ACP7: variants seen among roughly 807,000 people sequenced by gnomAD.
ACP7 encodes the protein acid phosphatase 7, tartrate resistant (putative).
A neutral mutation model predicts 60.6 loss-of-function variants in ACP7; 58 were observed. The observed-to-expected ratio is 0.96, with a 90% confidence interval of 0.77 to 1.19. The LOEUF (loss-of-function observed/expected upper bound fraction) is 1.19, where lower values mean the gene tolerates loss of function less well. Among genes scored for constraint, ACP7 ranks in the 50% most tolerant of loss-of-function variants. The pLI, the probability that ACP7 is intolerant of heterozygous loss-of-function variation, is 0.00. For synonymous variants in ACP7, 237 were observed against 232.6 expected, an observed-to-expected ratio of 1.02 and a Z score of -0.17; for missense variants, 574 against 596.2, an observed-to-expected ratio of 0.96 and a Z score of 0.39.
Position 39,106,977 on chromosome 19 carries a change from G to C in ACP7, c.1144G>C (p.Val382Leu), listed in dbSNP as rs777917302. Residue 382 changes from valine to leucine, a missense_variant, in exon 12 of 13, where the codon GTC (valine) becomes CTC (leucine). Transcript: ENST00000331256. Reference sequence around the variant, plus strand: ...TGAGGAGCGGCTGACGCCCTTTGCTGTCTTCCCGAGGCCCTGGAGTGCCGT... The same window carrying C: ...TGAGGAGCGGCTGACGCCCTTTGCTCTCTTCCCGAGGCCCTGGAGTGCCGT... ...GCEERLTPFA[V>L]FPRPWSAVRV... The C allele has an allele frequency of 8.1e-6, 13 of 1,614,040 alleles. No homozygotes were observed. In the East Asian group the frequency reaches 2.7e-4, roughly 33 times the overall value.
At chr19:39,106,436 T>C (rs1228838621) in intron 11 of ACP7, among the ~76,000 whole-genome samples, 4 of 152,206 alleles carry the variant, frequency 2.6e-5, no homozygotes, top group African/African-American at 7.2e-5. Flanking sequence ...TACACAGCCG[T>C]GTACTTTTCT....
chr19:39,106,180 C>T (rs553770382), intron 11 of ACP7, among the ~76,000 whole-genome samples: 5 of 152,250 alleles, frequency 3.3e-5, no homozygotes, highest in African/African-American at 9.6e-5. Context: ...ATTCTGTTTC[C>T]CCAGGCGCTG....
rs1487489068 is a variant in ACP7, at chr19:39,100,277, T to A, written c.556T>A (p.Phe186Ile). The A allele has an allele frequency of 6.2e-7, 1 of 1,613,878 alleles. No homozygotes were observed. The highest frequency in any genetic ancestry group is 8.5e-7 in the Non-Finnish European group (1 of 1,180,010). Residue 186 changes from phenylalanine to isoleucine, a missense_variant, in exon 5 of 13, where the codon TTC (phenylalanine) becomes ATC (isoleucine). Transcript: ENST00000331256. ...DQDNARVGDR[F>I]MRLIEPVAAS... ...GGACAACGCCCGTGTTGGGGATAGGTTCATGCGGCTCATTGAACCCGTGGC... is the reference window on the plus strand; with the variant it reads ...GGACAACGCCCGTGTTGGGGATAGGATCATGCGGCTCATTGAACCCGTGGC...
At chr19:39,107,560 C>CT (rs1299707986) in intron 12 of ACP7, among the ~76,000 whole-genome samples, 1 of 125,478 alleles carries the variant, frequency 8.0e-6, no homozygotes, top group African/African-American at 3.1e-5. Flanking sequence ...GCCTGGGCGA[C>CT]TGAGCAAGAC....
At chr19:39,092,252 T>C (rs957447092) in intron 2 of ACP7, among the ~76,000 whole-genome samples, 7 of 152,104 alleles carry the variant, frequency 4.6e-5, no homozygotes, top group Non-Finnish European at 8.8e-5. Context: ...CAGATGCCTG[T>C]AATCCCAGCT....
intron 2 of ACP7, among the ~76,000 whole-genome samples, chr19:39,091,473 T>C (rs2073203618): frequency 6.6e-6 from 1 of 152,150 alleles, no homozygotes; most frequent in Admixed American, 6.6e-5. Context: ...CCAGTTCCTT[T>C]TTATTGGAGT....
chr19:39,106,593 G>A (rs966895318), intron 11 of ACP7, among the ~76,000 whole-genome samples: 5 of 152,114 alleles, frequency 3.3e-5, no homozygotes, highest in African/African-American at 1.2e-4. Flanking sequence ...GCACAATCTC[G>A]GCTCACTGCA....
intron 12 of ACP7, among the ~76,000 whole-genome samples, chr19:39,109,250 G>A (rs1329300937): frequency 6.6e-6 from 1 of 152,184 alleles, no homozygotes; most frequent in Non-Finnish European, 1.5e-5. Flanking sequence ...GGACGGCCAA[G>A]CTGGGATCTG....
intron 2 of ACP7, among the ~76,000 whole-genome samples, chr19:39,091,168 T>C (rs1381911934): frequency 2.0e-5 from 3 of 151,248 alleles, no homozygotes; most frequent in Non-Finnish European, 3.0e-5. Flanking sequence ...TTCTTTCTTT[T>C]TTTTTTTTTT....
chr19:39,088,956 G>A (rs2073175070), intron 2 of ACP7, among the ~76,000 whole-genome samples: 1 of 150,360 alleles, frequency 6.7e-6, no homozygotes, highest in African/African-American at 2.4e-5. Context: ...TTGAGTCGTA[G>A]TCTCACTCTG....
chr19:39,103,441 G>GT lies in ACP7; in HGVS notation c.1113+1929dup, dbSNP rs58293250. On this transcript the variant is annotated intron_variant, in intron 11 of 12. Transcript: ENST00000331256. ...TCAAAACATTCCAGGATCATCATGT[G>GT]TTTTTTTTTTTTTTTTTTTTTTTTT... Among the ~76,000 whole-genome samples the GT allele has an allele frequency of 8.4e-3, 542 of 64,724 alleles. 64 individuals carry two copies. The highest frequency in any genetic ancestry group is 0.029 in the Middle Eastern group (2 of 70). 42.5% of individuals were successfully genotyped at this position (64,724 alleles called of 152,430 possible).
chr19:39,094,525 T>C (rs2073244894), intron 2 of ACP7, among the ~76,000 whole-genome samples: 1 of 149,448 alleles, frequency 6.7e-6, no homozygotes, highest in Non-Finnish European at 1.5e-5. Context: ...AAAGATGTGT[T>C]CTAGAAGTCA....
At chr19:39,098,787 T>C in intron 3 of ACP7, 129 bp downstream of exon 3, 2 of 1,353,400 alleles carry the variant, frequency 1.5e-6, no homozygotes, top group Admixed American at 2.5e-5. Context: ...AAGCCTGTTG[T>C]ATGAGACCCC....
At chr19:39,100,115 C>A (rs2145011095) in intron 4 of ACP7, 112 bp from the exon 5 acceptor site, 2 of 1,440,908 alleles carry the variant, frequency 1.4e-6, no homozygotes, top group East Asian at 2.3e-5. Flanking sequence ...CTTGCCTTGG[C>A]CTCCCGAAGC....
intron 5 of ACP7, 89 bp downstream of exon 5, chr19:39,100,439 C>A: frequency 6.2e-7 from 1 of 1,601,482 alleles, no homozygotes; most frequent in Non-Finnish European, 8.5e-7. Context: ...GTCTCTCATG[C>A]TGCAACATTT....
intron 11 of ACP7, among the ~76,000 whole-genome samples, chr19:39,102,329 C>A (rs866281375): frequency 2.7e-5 from 4 of 150,706 alleles, no homozygotes; most frequent in Middle Eastern, 3.4e-3. Context: ...TAAACAACAA[C>A]AAAAAAACTA....
intron 2 of ACP7, among the ~76,000 whole-genome samples, chr19:39,093,547 C>A (rs2073234581): frequency 1.3e-5 from 2 of 152,040 alleles, no homozygotes; most frequent in African/African-American, 4.8e-5. Context: ...AGCCATCGCG[C>A]CCAGCTAATT....
chr19:39,105,868 C>T (rs112797456), intron 11 of ACP7, among the ~76,000 whole-genome samples: 10 of 152,134 alleles, frequency 6.6e-5, no homozygotes, highest in African/African-American at 2.4e-4. Context: ...AAGTGTGGTA[C>T]GGATGGGTCT....
chr19:39,088,952 C>T (rs1280860857), intron 2 of ACP7, among the ~76,000 whole-genome samples: 2 of 149,614 alleles, frequency 1.3e-5, no homozygotes, highest in Non-Finnish European at 3.0e-5. Context: ...TTTTTTGAGT[C>T]GTAGTCTCAC....
Sources: gnomAD v4.1 joint callset for allele counts (sites outside exome capture counted in the v4.1 genomes callset) on GRCh38, gnomAD v4.1.1 for gene constraint, MANE v1.5 for transcripts, NCBI Gene and HGNC (gene_info 2026-07-23, HGNC 2026-07-21) for gene names.